Variants in B4GALNT3 observed in about 807,000 individuals in gnomAD.
B4GALNT3 encodes the protein beta-1,4-N-acetyl-galactosaminyltransferase 3.
B4GALNT3 carries 86 observed loss-of-function variants against 120.2 expected under a neutral mutation model. The ratio of observed to expected loss-of-function variants is 0.72; its 90% confidence interval spans 0.60 to 0.86. The LOEUF is 0.86. B4GALNT3 is among the 40% of genes least tolerant of loss of function. B4GALNT3 has a pLI of 0.00. For synonymous variants in B4GALNT3, 518 were observed against 510.4 expected (o/e 1.01, Z -0.20); for missense variants, 1,167 against 1,298.9 (o/e 0.90, Z 1.56).
intron 3 of B4GALNT3, among the ~76,000 whole-genome samples, chr12:538,452 G>T (rs1328670706): frequency 6.6e-6 from 1 of 151,724 alleles, no homozygotes; most frequent in Non-Finnish European, 1.5e-5. Context: ...CCAGCTACTT[G>T]GGGGGCTGAG....
intron 3 of B4GALNT3, among the ~76,000 whole-genome samples, chr12:539,534 TA>T (rs561171166): frequency 0.013 from 1,737 of 136,492 alleles, 5 homozygotes; most frequent in Middle Eastern, 0.034. Context: ...GCCTTTCCTT[TA>T]AAAAAAAAAA....
intron 1 of B4GALNT3, among the ~76,000 whole-genome samples, chr12:463,066 C>A (rs1036007843): frequency 2.0e-5 from 3 of 152,194 alleles, no homozygotes; most frequent in African/African-American, 7.2e-5. Context: ...AGCTTGTTGG[C>A]TCTGCTTTCC....
chr12:492,712 A>C (rs1262757433), intron 1 of B4GALNT3, among the ~76,000 whole-genome samples: 2 of 152,210 alleles, frequency 1.3e-5, no homozygotes, highest in African/African-American at 2.4e-5. Flanking sequence ...TGAATTCAAG[A>C]GAGTACGGAG....
At position 544,423 on chromosome 12, in the gene B4GALNT3, C is replaced by G; in HGVS notation, c.436C>G (p.Leu146Val). The G allele has an allele frequency of 1.9e-6, 3 of 1,613,776 alleles. No individual in the cohort carries two copies. The highest frequency in any genetic ancestry group is 2.5e-6 in the Non-Finnish European group (3 of 1,179,872). ...QQLRRNLHFPLYPHIRTTLRK... is the reference protein window; with the variant it reads ...QQLRRNLHFPVYPHIRTTLRK... ...GCTCAGGAGGAACCTGCATTTCCCA[C>G]TGTACCCCCATGTGAGTGCCTGAGG... is the stretch of plus-strand genomic sequence containing the variant. Residue 146 changes from leucine (L) to valine (V), a missense_variant, in exon 4 of 20, where the codon CTG (leucine) becomes GTG (valine). Physicochemically the swap from Leu to Val is conservative, Grantham distance 32. This residue lies in a region of B4GALNT3 where 13 missense variants were observed against 35.1 expected (regional missense o/e 0.37). Transcript: ENST00000266383.
At chr12:558,436 C>G in intron 17 of B4GALNT3, 72 bp from the exon 18 acceptor site, 1 of 1,454,038 alleles carries the variant, frequency 6.9e-7, no homozygotes, top group Non-Finnish European at 9.5e-7. Flanking sequence ...TCCGAGGCTT[C>G]TCCTAGACGG....
At chr12:486,060 AT>A (rs753625211) in intron 1 of B4GALNT3, among the ~76,000 whole-genome samples, 1 of 152,208 alleles carries the variant, frequency 6.6e-6, no homozygotes, top group Non-Finnish European at 1.5e-5. Context: ...AGAATTAAAA[AT>A]TCCAGGGGAC....
Position 553,697 on chromosome 12 carries a change from G to T in B4GALNT3, c.1774G>T (p.Glu592Ter). The T allele has an allele frequency of 1.2e-6, 2 of 1,613,838 alleles. No individual in the cohort carries two copies. Among genetic ancestry groups the T allele is most frequent in the Non-Finnish European group, 1.7e-6 (2 of 1,179,732 alleles). ...TGGAAGGGGCTGGCATGGGGAGGAGGAAGTGGTGGCGGCCGCAGGCCAGGA... is the reference window on the plus strand; with the variant it reads ...TGGAAGGGGCTGGCATGGGGAGGAGTAAGTGGTGGCGGCCGCAGGCCAGGA... ...APGRGWHGEE[E>*]VVAAAGQEGQ... Residue 592 changes from glutamate (E) to a stop codon, truncating the protein, a stop_gained, in exon 14 of 20, where the codon GAA (glutamate) becomes TAA (stop). Coordinates refer to ENST00000266383, the MANE Select transcript of B4GALNT3 (RefSeq NM_173593.4). LOFTEE classifies it high-confidence loss of function.
At chr12:549,139 C>A (rs755997273) in intron 9 of B4GALNT3, among the ~76,000 whole-genome samples, 1 of 152,126 alleles carries the variant, frequency 6.6e-6, no homozygotes, top group Non-Finnish European at 1.5e-5. Context: ...CATAGGCCTC[C>A]GTGGCAGGTG....
chr12:475,995 G>C (rs1946180864), intron 1 of B4GALNT3, among the ~76,000 whole-genome samples: 1 of 152,200 alleles, frequency 6.6e-6, no homozygotes, highest in South Asian at 2.1e-4. Context: ...TGGCATTGCT[G>C]TTGTGCCCTC....
At chr12:546,970 T>A (rs1184391156) in intron 7 of B4GALNT3, 1 of 517,924 alleles carries the variant, frequency 1.9e-6, no homozygotes, top group Non-Finnish European at 3.5e-6. Flanking sequence ...GACTGGAAAA[T>A]AGGTCTCCTT....
At chr12:528,475 C>T (rs889461290) in intron 1 of B4GALNT3, among the ~76,000 whole-genome samples, 1 of 152,204 alleles carries the variant, frequency 6.6e-6, no homozygotes, top group South Asian at 2.1e-4. Context: ...ATGCCTAACA[C>T]GTAAGTGTTA....
At chr12:536,344 T>C (rs1193358880) in intron 3 of B4GALNT3, 49 bp downstream of exon 3, 2 of 1,478,414 alleles carry the variant, frequency 1.4e-6, no homozygotes, top group African/African-American at 1.4e-5. Flanking sequence ...TAAAAAATAA[T>C]GTTTACAGAT....
intron 1 of B4GALNT3, among the ~76,000 whole-genome samples, chr12:487,277 G>A (rs973858076): frequency 2.6e-5 from 4 of 152,156 alleles, no homozygotes; most frequent in African/African-American, 9.7e-5. Context: ...GATAGCAACT[G>A]ACAGTTTTCC....
intron 1 of B4GALNT3, among the ~76,000 whole-genome samples, chr12:494,339 G>A (rs1037917858): frequency 1.3e-5 from 2 of 150,454 alleles, no homozygotes; most frequent in African/African-American, 2.4e-5. Context: ...CTCATTGTCC[G>A]TTCTTAAATG....
At chr12:558,355 G>A (rs1947184297) in intron 17 of B4GALNT3, among the ~76,000 whole-genome samples, 153 bp from the exon 18 acceptor site, 1 of 152,186 alleles carries the variant, frequency 6.6e-6, no homozygotes, top group Non-Finnish European at 1.5e-5. Context: ...GTGCTCCAAT[G>A]TTCAGCACTG....
rs572674236 is a variant in B4GALNT3, at chr12:549,685, C to T, written c.854-84C>T. The T allele has an allele frequency of 9.3e-4, 1,434 of 1,544,990 alleles. 3 individuals are homozygous for T. Among genetic ancestry groups the T allele is most frequent in the Non-Finnish European group, 1.2e-3 (1,331 of 1,122,896 alleles). On this transcript the variant is annotated intron_variant, in intron 9 of 19. Transcript: ENST00000266383. ...CCGCTGGAGTCAGGAGCCCCTTCTG[C>T]GTCTCTTCCCTCCCCTTCAAGGGCA...
chr12:460,365 C>A lies in B4GALNT3; in HGVS notation c.-12C>A, dbSNP rs1366356597. ...GAGCCCGCGCTGGCGGCGGCCGCCT[C>A]GGCGCAGCGCCATGGGGAGCCCCCG... On this transcript the variant is annotated 5_prime_UTR_variant, in exon 1 of 20. Coordinates refer to ENST00000266383, the MANE Select transcript of B4GALNT3 (RefSeq NM_173593.4). This position sits in a 1 kb window ranked among gnomAD's most constrained non-coding sequence, Gnocchi z 8.0. 24 of 1,186,580 alleles carry A rather than the reference C, an allele frequency of 2.0e-5. No individual in the cohort carries two copies. The South Asian group carries it at 2.3e-4, about 11-fold the overall frequency. 73.5% of individuals were successfully genotyped at this position (1,186,580 alleles called of 1,614,324 possible). A position where few individuals can be genotyped will look rare whatever the true frequency, so the allele number is the denominator to read the frequency against.
intron 9 of B4GALNT3, 93 bp from the exon 10 acceptor site, chr12:549,676 C>A: frequency 1.3e-6 from 2 of 1,503,054 alleles, no homozygotes; most frequent in East Asian, 2.3e-5. Context: ...GAGTCAGGAG[C>A]CCCTTCTGCG....
chr12:493,536 T>C (rs1168435367), intron 1 of B4GALNT3, among the ~76,000 whole-genome samples: 2 of 152,156 alleles, frequency 1.3e-5, no homozygotes, highest in Admixed American at 1.3e-4. Flanking sequence ...AACATACTCT[T>C]ACTTATTCCT....
Sources: gnomAD v4.1 joint callset for allele counts (sites outside exome capture counted in the v4.1 genomes callset) on GRCh38, gnomAD v4.1.1 for gene constraint, gnomAD v4.1.1 regional missense constraint, Gnocchi (gnomAD v3.1) non-coding constraint, MANE v1.5 for transcripts, NCBI Gene and HGNC (gene_info 2026-07-23, HGNC 2026-07-21) for gene names.